CNTLN: variants seen among roughly 807,000 people sequenced by gnomAD.
The protein encoded by CNTLN is centlein, centrosomal protein.
In CNTLN, 212 loss-of-function variants were observed where a neutral mutation model predicts 180.0. The ratio of observed to expected loss-of-function variants is 1.18; its 90% CI spans 1.05 to 1.32. CNTLN has a LOEUF of 1.32. CNTLN is among the 40% of genes most tolerant of loss of function. CNTLN has a pLI of 0.00. For missense variants in CNTLN, 2,095 were observed against 1,610.9 expected, an observed-to-expected ratio of 1.30 and a Z score of -5.14; for synonymous variants, 722 against 563.1, an observed-to-expected ratio of 1.28 and a Z score of -3.99.
chr9:17,158,434 G>A (rs1819452031), intron 2 of CNTLN, among the ~76,000 whole-genome samples: 1 of 151,982 alleles, frequency 6.6e-6, no homozygotes, highest in South Asian at 2.1e-4. Flanking sequence ...ATTTTATGAA[G>A]AATTTTTGAA....
intron 2 of CNTLN, among the ~76,000 whole-genome samples, chr9:17,215,366 GAATTTTGCTGAACAGCA>G (rs1823665566): frequency 6.6e-6 from 1 of 152,044 alleles, no homozygotes; most frequent in Non-Finnish European, 1.5e-5. Context: ...GCAGAACAGC[GAATTTTGCTGAACAGCA>G]AATGTTGCTG....
chr9:17,229,737 C>T (rs1010286798), intron 3 of CNTLN, among the ~76,000 whole-genome samples: 1 of 151,996 alleles, frequency 6.6e-6, no homozygotes, highest in Non-Finnish European at 1.5e-5. Flanking sequence ...TAGATAAGAA[C>T]GTGTGTACCA....
At chr9:17,274,058 A>G (rs1828128382) in intron 6 of CNTLN, among the ~76,000 whole-genome samples, 192 bp downstream of exon 6, 2 of 152,118 alleles carry the variant, frequency 1.3e-5, no homozygotes, top group Non-Finnish European at 2.9e-5. Flanking sequence ...GTGGGTCTAC[A>G]GGATTGGACG....
chr9:17,186,928 C>T (rs1327759143), intron 2 of CNTLN, among the ~76,000 whole-genome samples: 1 of 151,888 alleles, frequency 6.6e-6, no homozygotes, highest in Non-Finnish European at 1.5e-5. Context: ...ATTAGGATTC[C>T]TATATGAGAC....
At chr9:17,346,723 T>C (rs994419954) in intron 12 of CNTLN, among the ~76,000 whole-genome samples, 2 of 152,228 alleles carry the variant, frequency 1.3e-5, no homozygotes, top group African/African-American at 4.8e-5. Context: ...TTTATCCTAT[T>C]TGGGTTTCTG....
At chr9:17,379,860 C>G (rs949316198) in intron 13 of CNTLN, among the ~76,000 whole-genome samples, 3 of 152,160 alleles carry the variant, frequency 2.0e-5, no homozygotes, top group Admixed American at 2.0e-4. Context: ...AATTCAGTCT[C>G]CTCTAGTCTT....
At chr9:17,420,551 A>G (rs1265583608) in intron 18 of CNTLN, among the ~76,000 whole-genome samples, 1 of 151,004 alleles carries the variant, frequency 6.6e-6, no homozygotes, top group Non-Finnish European at 1.5e-5. Flanking sequence ...TTTTAATTTC[A>G]TTTATTTCTT....
intron 5 of CNTLN, among the ~76,000 whole-genome samples, chr9:17,243,288 G>A (rs1481357060): frequency 6.6e-6 from 1 of 151,750 alleles, no homozygotes; most frequent in African/African-American, 2.4e-5. Flanking sequence ...TCTTTTCATT[G>A]TTCTTTTGTA....
intron 2 of CNTLN, among the ~76,000 whole-genome samples, chr9:17,201,171 A>G (rs937813263): frequency 7.9e-5 from 12 of 152,202 alleles, no homozygotes; most frequent in Non-Finnish European, 1.6e-4. Context: ...CTTGCATCCT[A>G]TGGATGAAGC....
chr9:17,285,664 CT>C (rs1325647180), intron 6 of CNTLN, among the ~76,000 whole-genome samples: 1 of 102,402 alleles, frequency 9.8e-6, no homozygotes, highest in Non-Finnish European at 1.9e-5. Context: ...TCTCCAGCAC[CT>C]GTTGTTTCCT....
chr9:17,500,791 C>T (rs578189246), intron 25 of CNTLN, among the ~76,000 whole-genome samples: 2 of 144,532 alleles, frequency 1.4e-5, no homozygotes, highest in East Asian at 2.1e-4. Flanking sequence ...TGTAGTACTG[C>T]GTGACATCAT....
chr9:17,160,674 G>T (rs1242430341), intron 2 of CNTLN, among the ~76,000 whole-genome samples: 1 of 152,130 alleles, frequency 6.6e-6, no homozygotes, highest in Admixed American at 6.5e-5. Flanking sequence ...TTGAGACAAA[G>T]GAAGATATAA....
At chr9:17,388,590 T>G (rs983196447) in intron 14 of CNTLN, among the ~76,000 whole-genome samples, 8 of 152,038 alleles carry the variant, frequency 5.3e-5, no homozygotes, top group African/African-American at 1.9e-4. Context: ...ACTGCTGTAC[T>G]TCCACAAATA....
At chr9:17,524,464 A>G in the CNTLN span, among the ~76,000 whole-genome samples, 1 of 152,206 alleles carries the variant, frequency 6.6e-6, no homozygotes, top group East Asian at 1.9e-4. Context: ...ATAATTAGAG[A>G]GGGCAGTCTG....
At chr9:17,501,104 T>C (rs1453751234) in intron 25 of CNTLN, among the ~76,000 whole-genome samples, 2 of 152,212 alleles carry the variant, frequency 1.3e-5, no homozygotes, top group East Asian at 1.9e-4. Flanking sequence ...GGTAGGTTTT[T>C]CCCCCTAGAA....
chr9:17,234,638 A>G (rs1825021879), intron 3 of CNTLN, among the ~76,000 whole-genome samples: 1 of 152,108 alleles, frequency 6.6e-6, no homozygotes, highest in Non-Finnish European at 1.5e-5. Context: ...CACCAGTGAT[A>G]GATCAGAAAT....
At chr9:17,325,935 G>A (rs946806543) in intron 8 of CNTLN, among the ~76,000 whole-genome samples, 20 of 151,594 alleles carry the variant, frequency 1.3e-4, no homozygotes, top group African/African-American at 2.7e-4. Context: ...ATATTCAGTC[G>A]GCCCCCACTG....
At position 17,423,778 on chromosome 9, in the gene CNTLN, C is replaced by T. The variant is rs1352639126; in HGVS notation, c.3114+7589C>T. Among the ~76,000 whole-genome samples the T allele has an allele frequency of 2.0e-5, 3 of 152,102 alleles. No individual in the cohort carries two copies. In the East Asian group the frequency reaches 5.8e-4, roughly 29 times the overall value. On this transcript the variant is annotated intron_variant, in intron 18 of 25. Coordinates refer to ENST00000380647, the MANE Select transcript of CNTLN (RefSeq NM_017738.4). ...AGTTTAAATGCACCTTCTCTGGGCA[C>T]CAGCAGAATTCCGCCTTGTGTTGTG...
At chr9:17,385,539 A>C (rs1468365943) in intron 13 of CNTLN, among the ~76,000 whole-genome samples, 2 of 152,158 alleles carry the variant, frequency 1.3e-5, no homozygotes, top group Admixed American at 1.3e-4. Context: ...CCTATTACTC[A>C]AGAAATTCCA....
Sources: gnomAD v4.1 joint callset for allele counts (sites outside exome capture counted in the v4.1 genomes callset) on GRCh38, gnomAD v4.1.1 for gene constraint, MANE v1.5 for transcripts, NCBI Gene and HGNC (gene_info 2026-07-23, HGNC 2026-07-21) for gene names.